Variants in ECE1 observed in about 807,000 individuals in gnomAD.
ECE1 encodes endothelin converting enzyme 1.
Under a neutral mutation model 98.6 loss-of-function variants are expected in ECE1, and 35 were observed. That is an observed-to-expected ratio of 0.35 (90% CI 0.27 to 0.47). The LOEUF is 0.47. ECE1 is among the 20% of genes least tolerant of loss of function. The pLI is 1.00. For synonymous variants in ECE1, 394 were observed against 407.1 expected (o/e 0.97, Z 0.39); for missense variants, 814 against 1,025.3 (o/e 0.79, Z 2.81).
At chr1:21,332,907 G>A (rs989416269) in intron 1 of ECE1, among the ~76,000 whole-genome samples, 2 of 151,946 alleles carry the variant, frequency 1.3e-5, no homozygotes, top group African/African-American at 4.8e-5. Context: ...AAACAATTGG[G>A]ACATGTGTCA....
chr1:21,252,520 A>G (rs1312463279), intron 8 of ECE1, among the ~76,000 whole-genome samples: 3 of 152,202 alleles, frequency 2.0e-5, no homozygotes, highest in Non-Finnish European at 4.4e-5. Flanking sequence ...AGCTGGAGAA[A>G]TGGGGTAGAA....
chr1:21,344,287 G>C lies in ECE1; in HGVS notation c.3+1089C>G, dbSNP rs571492481. 1.8e-3 allele frequency among the ~76,000 whole-genome samples: 268 copies of C among 152,228 alleles called. 1 individual carries two copies. The highest frequency in any genetic ancestry group is 6.2e-3 in the African/African-American group (259 of 41,536). On this transcript the variant is annotated intron_variant, in intron 1 of 18. Coordinates refer to the ECE1 transcript ENST00000415912. ...ATCCTGCTCCCATCCAGGCGCCCTC[G>C]GGCTTGGCAGCATCATCACAGAGAA...
At chr1:21,317,704 C>G (rs1638861257) in intron 1 of ECE1, among the ~76,000 whole-genome samples, 1 of 152,234 alleles carries the variant, frequency 6.6e-6, no homozygotes, top group South Asian at 2.1e-4. Flanking sequence ...GCCCAGTTCT[C>G]TTCGGCCTCT....
chr1:21,316,428 T>C (rs1469678352), intron 1 of ECE1, among the ~76,000 whole-genome samples: 4 of 151,412 alleles, frequency 2.6e-5, no homozygotes, highest in Non-Finnish European at 4.4e-5. Flanking sequence ...GCCACCACAC[T>C]GAGCTAATTT....
At chr1:21,312,960 A>G (rs1371413935) in intron 1 of ECE1, among the ~76,000 whole-genome samples, 2 of 152,200 alleles carry the variant, frequency 1.3e-5, no homozygotes, top group Non-Finnish European at 2.9e-5. Flanking sequence ...GGTAAATACT[A>G]TCATTGTCTC....
chr1:21,254,390 C>G (rs952897546), intron 8 of ECE1, among the ~76,000 whole-genome samples: 18 of 152,128 alleles, frequency 1.2e-4, no homozygotes, highest in African/African-American at 4.1e-4. Flanking sequence ...AAGCCCAGGG[C>G]TTGTGTACTA....
chr1:21,300,770 T>G (rs183362861), intron 1 of ECE1, among the ~76,000 whole-genome samples: 10 of 152,238 alleles, frequency 6.6e-5, no homozygotes, highest in Non-Finnish European at 1.5e-4. Flanking sequence ...CTGGTAGACT[T>G]TTTTTTCTTC....
At position 21,219,755 on chromosome 1, in the gene ECE1, T is replaced by C. The variant is rs2098164978; in HGVS notation, c.*200A>G. ...AGGTGGCGCACACGTGTGCCTGGGATGTCCGGCTCTTCACAGGGGATCAGA... is the reference window on the plus strand; with the variant it reads ...AGGTGGCGCACACGTGTGCCTGGGACGTCCGGCTCTTCACAGGGGATCAGA... On this transcript the variant is annotated 3_prime_UTR_variant, in exon 19 of 19. Coordinates refer to ENST00000374893, the MANE Select transcript of ECE1 (RefSeq NM_001397.3). The surrounding 1 kb of genome is among the most constrained non-coding windows in gnomAD (Gnocchi z 4.5). 3 of 660,670 alleles carry C rather than the reference T, an allele frequency of 4.5e-6. No individual in the cohort carries two copies. The African/African-American group carries it at 5.4e-5, about 12-fold the overall frequency. 40.9% of individuals were successfully genotyped at this position (660,670 alleles called of 1,614,324 possible). A position where few individuals can be genotyped will look rare whatever the true frequency, so the allele number is the denominator to read the frequency against.
intron 10 of ECE1, among the ~76,000 whole-genome samples, chr1:21,240,076 C>A (rs553923334): frequency 1.3e-5 from 2 of 152,296 alleles, no homozygotes; most frequent in African/African-American, 4.8e-5. Flanking sequence ...AAGGCTGAGG[C>A]AGGAGAATAG....
In ECE1 at chr1:21,258,654, G is replaced by C; in HGVS notation, c.762+39C>G. 2 of 1,602,606 alleles carry C rather than the reference G, an allele frequency of 1.2e-6. No individual in the cohort carries two copies. The highest frequency in any genetic ancestry group is 1.7e-6 in the Non-Finnish European group (2 of 1,172,750). ...TAAACTCAAAACAGGAAGAGGTCGT[G>C]CCCGCCCCCTCGACCGCTGCAGGTT... is the stretch of plus-strand genomic sequence containing the variant. On this transcript the variant is annotated intron_variant, in intron 6 of 18. Transcript: ENST00000374893. The surrounding 1 kb of genome is among the most constrained non-coding windows in gnomAD (Gnocchi z 4.2).
In ECE1 at chr1:21,235,600, T is replaced by C. The variant is rs558008201; in HGVS notation, c.1566+250A>G. Reference sequence around the variant, plus strand: ...CAGGGGGCACACAGCACGGGTTCTGTACTGACTGGTGGGCACTGCTGATGG... The same window carrying C: ...CAGGGGGCACACAGCACGGGTTCTGCACTGACTGGTGGGCACTGCTGATGG... On this transcript the variant is annotated intron_variant, in intron 13 of 18. Transcript: ENST00000374893. The surrounding 1 kb of genome is among the most constrained non-coding windows in gnomAD (Gnocchi z 4.2). Among the ~76,000 whole-genome samples the C allele has an allele frequency of 6.6e-6, 1 of 152,268 alleles. No homozygotes were observed. Among genetic ancestry groups the C allele is most frequent in the South Asian group, 2.1e-4 (1 of 4,822 alleles).
intron 4 of ECE1, among the ~76,000 whole-genome samples, chr1:21,265,903 T>G (rs2098233273): frequency 6.6e-6 from 1 of 152,094 alleles, no homozygotes; most frequent in South Asian, 2.1e-4. Flanking sequence ...CCTTGTACTA[T>G]GAAGATCTTT....
intron 1 of ECE1, among the ~76,000 whole-genome samples, chr1:21,300,382 G>C (rs1020473236): frequency 6.6e-6 from 1 of 152,172 alleles, no homozygotes; most frequent in Non-Finnish European, 1.5e-5. Flanking sequence ...GGGTCCTAAG[G>C]ACAAAATTGC....
At chr1:21,314,362 T>C (rs1490589154) in intron 1 of ECE1, among the ~76,000 whole-genome samples, 2 of 152,216 alleles carry the variant, frequency 1.3e-5, no homozygotes, top group African/African-American at 4.8e-5. Flanking sequence ...GGCTCGGTAG[T>C]GATACAGCCT....
intron 1 of ECE1, among the ~76,000 whole-genome samples, chr1:21,306,494 G>A (rs1402534226): frequency 6.6e-6 from 1 of 151,936 alleles, no homozygotes; most frequent in African/African-American, 2.4e-5. Context: ...CCACCACCAC[G>A]CCTGGCTAAT....
Position 21,225,247 on chromosome 1 carries a change from C to T in ECE1, c.2040+3G>A. The T allele has an allele frequency of 6.2e-7, 1 of 1,613,982 alleles. No individual in the cohort carries two copies. The highest frequency in any genetic ancestry group is 8.5e-7 in the Non-Finnish European group (1 of 1,180,016). On this transcript the variant is annotated splice_donor_region_variant and intron_variant, in intron 17 of 18. Coordinates refer to ENST00000374893, the MANE Select transcript of ECE1 (RefSeq NM_001397.3). The surrounding 1 kb of genome is among the most constrained non-coding windows in gnomAD (Gnocchi z 5.3). ...GTGCGCGTGTGGGGAGCGGGGCTCT[C>T]ACCCGATAGGCCGCCTTGAGACCCC...
At chr1:21,272,476 G>C (rs1301431551) in intron 4 of ECE1, among the ~76,000 whole-genome samples, 1 of 152,222 alleles carries the variant, frequency 6.6e-6, no homozygotes. Context: ...ATTTTTAGTA[G>C]AGACAGGGTT....
rs2098265314 is a variant in ECE1 at position 21,290,298 on chromosome 1, G to A, written c.51+66C>T. On this transcript the variant is annotated intron_variant, in intron 1 of 18. Transcript: ENST00000374893. The surrounding 1 kb of genome is among the most constrained non-coding windows in gnomAD (Gnocchi z 7.3). ...CCCGAGACCGAGACCGGCCCACGGA[G>A]CGGCCCGCGCGGGGAGGGGTCCCGC... The A allele has an allele frequency of 4.0e-6, 5 of 1,242,942 alleles. No homozygotes were observed. The highest frequency in any genetic ancestry group is 6.3e-5 in the South Asian group (2 of 31,816). 77.0% of individuals were successfully genotyped at this position (1,242,942 alleles called of 1,614,324 possible). A position where few individuals can be genotyped will look rare whatever the true frequency, so the allele number is the denominator to read the frequency against.
intron 3 of ECE1, among the ~76,000 whole-genome samples, chr1:21,274,300 G>C (rs2098243976): frequency 6.6e-6 from 1 of 152,202 alleles, no homozygotes; most frequent in Admixed American, 6.5e-5. Flanking sequence ...AGTCACACGA[G>C]GGGCTGGTGC....
Sources: allele counts gnomAD v4.1 joint callset (sites outside exome capture counted in the v4.1 genomes callset), GRCh38; gene constraint gnomAD v4.1.1; non-coding constraint Gnocchi (gnomAD v3.1); transcripts MANE v1.5; gene names NCBI Gene and HGNC (gene_info 2026-07-23, HGNC 2026-07-21).